Variants in CDH15 observed in about 807,000 individuals in gnomAD.
CDH15 encodes the protein cadherin 15.
A neutral mutation model predicts 69.4 loss-of-function variants in CDH15; 73 were observed. That is an observed-to-expected ratio of 1.05 (90% CI 0.87 to 1.28). CDH15 has a LOEUF of 1.28. Ranked by LOEUF, CDH15 falls within the 50% of genes most tolerant of loss-of-function variation. CDH15 has a pLI of 0.00. For missense variants in CDH15, 1,343 were observed against 1,133.6 expected, an observed-to-expected ratio of 1.18 and a Z score of -2.65; for synonymous variants, 624 against 507.7, an observed-to-expected ratio of 1.23 and a Z score of -3.08.
Position 89,193,773 on chromosome 16 carries a change from C to T in CDH15, c.2011C>T (p.Gln671Ter), listed in dbSNP as rs1915715274. The T allele has an allele frequency of 1.0e-5, 16 of 1,604,900 alleles. No individual in the cohort carries two copies. Among genetic ancestry groups the T allele is most frequent in the African/African-American group, 1.3e-5 (1 of 74,834 alleles). Reference sequence around the variant, plus strand: ...CCCACAGGACGCCTACGACATCAGCCAGCTGCGTCACCCGACAGCGCTGAG... The same window carrying T: ...CCCACAGGACGCCTACGACATCAGCTAGCTGCGTCACCCGACAGCGCTGAG... ...EEDQDAYDISQLRHPTALSLP... is the reference protein window; with the variant it reads ...EEDQDAYDIS The change falls in exon 13 of 14, where the codon CAG becomes TAG. Residue 671 changes from glutamine (Q) to a stop codon, truncating the protein, a stop_gained. Transcript: ENST00000289746. LOFTEE classifies it high-confidence loss of function.
intron 1 of CDH15, among the ~76,000 whole-genome samples, chr16:89,172,548 C>A (rs978377448): frequency 5.3e-5 from 8 of 152,152 alleles, no homozygotes; most frequent in Non-Finnish European, 1.5e-5. Context: ...GGGCCCAGCC[C>A]CCAGAGGCTG....
At chr16:89,175,613 G>C (rs780862191) in intron 1 of CDH15, among the ~76,000 whole-genome samples, 25 of 152,262 alleles carry the variant, frequency 1.6e-4, no homozygotes, top group Non-Finnish European at 2.2e-4. Flanking sequence ...GCCGGAAACA[G>C]ACCCTGTGCC....
chr16:89,176,363 G>A (rs1378990916), intron 1 of CDH15, among the ~76,000 whole-genome samples: 3 of 152,144 alleles, frequency 2.0e-5, no homozygotes, highest in South Asian at 2.1e-4. Flanking sequence ...AGTAGCTGTC[G>A]ACACCTGTGG....
intron 7 of CDH15, among the ~76,000 whole-genome samples, chr16:89,188,515 C>CTG (rs1915548883): frequency 6.8e-6 from 1 of 147,208 alleles, no homozygotes; most frequent in South Asian, 2.2e-4. Flanking sequence ...CACACAGATG[C>CTG]CCACACACAG....
At chr16:89,187,592 T>C (rs771231405) in intron 6 of CDH15, 35 bp downstream of exon 6, 1 of 1,612,102 alleles carries the variant, frequency 6.2e-7, no homozygotes, top group African/African-American at 1.3e-5. Flanking sequence ...AAGTAGCCCC[T>C]GCTTAGAGCT....
intron 1 of CDH15, among the ~76,000 whole-genome samples, chr16:89,172,844 A>G (rs1467021686): frequency 6.6e-6 from 1 of 152,150 alleles, no homozygotes; most frequent in African/African-American, 2.4e-5. Flanking sequence ...AATTCGAGAG[A>G]GAATGCACAT....
chr16:89,179,620 C>G, intron 2 of CDH15, 46 bp downstream of exon 2: 1 of 1,502,524 alleles, frequency 6.7e-7, no homozygotes, highest in Non-Finnish European at 8.9e-7. Context: ...GTAGGCTGGT[C>G]CCCAGTGGGC....
In CDH15 at chr16:89,193,759, CCTACGA is replaced by C. The variant is rs749690403; in HGVS notation, c.1999_2004del (p.Tyr667_Asp668del). The stretch of plus-strand genomic sequence containing the variant: ...GTTCCACCTCCTCGCCCACAGGACG[CCTACGA>C]CATCAGCCAGCTGCGTCACCCGACA... On this transcript the variant is annotated inframe_deletion, in exon 13 of 14. Transcript: ENST00000289746. 7.2e-5 allele frequency: 116 copies of C among 1,603,736 alleles called. No individual in the cohort carries two copies. The African/African-American group carries it at 1.5e-3, about 20-fold the overall frequency.
rs1019469171 is a variant in CDH15, at chr16:89,178,655, T to C, written c.43-761T>C. ...TGCCCAGCCCTGACGTGTTGGGACC[T>C]GACAGACCAGCAGCAGCTGCAGGCC... On this transcript the variant is annotated intron_variant, in intron 1 of 13. Coordinates refer to ENST00000289746, the MANE Select transcript of CDH15 (RefSeq NM_004933.3). Among the ~76,000 whole-genome samples the C allele has an allele frequency of 2.0e-5, 3 of 150,036 alleles. No individual in the cohort carries two copies. The South Asian group carries it at 6.3e-4, about 32-fold the overall frequency.
At chr16:89,186,728 A>C (rs55971619) in intron 5 of CDH15, among the ~76,000 whole-genome samples, 47,978 of 99,122 alleles carry the variant, frequency 0.48, 10,827 homozygotes, top group East Asian at 0.72. Context: ...GCTCTGTAAA[A>C]GCTCACCCAG....
intron 4 of CDH15, among the ~76,000 whole-genome samples, chr16:89,184,305 T>C (rs956331035): frequency 6.6e-6 from 1 of 152,118 alleles, no homozygotes; most frequent in Non-Finnish European, 1.5e-5. Flanking sequence ...GCTCCAGCTG[T>C]CCCGGGGGGA....
chr16:89,183,489 A>G, intron 3 of CDH15, 59 bp from the exon 4 acceptor site: 4 of 1,604,640 alleles, frequency 2.5e-6, no homozygotes, highest in Non-Finnish European at 3.4e-6. Context: ...GCATGGCCCT[A>G]ACGGGAGCCA....
chr16:89,194,848 G>C lies in CDH15; in HGVS notation c.2152-14G>C. The C allele has an allele frequency of 6.3e-7, 1 of 1,594,548 alleles. No homozygotes were observed. Among genetic ancestry groups the C allele is most frequent in the East Asian group, 2.2e-5 (1 of 44,636 alleles). On this transcript the variant is annotated splice_polypyrimidine_tract_variant and intron_variant, in intron 13 of 13. Transcript: ENST00000289746. ...CCCCTCCATGTGTCTTGAGCTCTCCGGGCCTCTTTATAGGGCTTGGAGGCT... is the reference window on the plus strand; with the variant it reads ...CCCCTCCATGTGTCTTGAGCTCTCCCGGCCTCTTTATAGGGCTTGGAGGCT...
Position 89,187,508 on chromosome 16 carries a change from T to C in CDH15, c.743T>C (p.Ile248Thr). The stretch of plus-strand genomic sequence containing the variant: ...CTCACAGCCACTGCCTCAGCCATCA[T>C]CACCCTTGATGACATCAATGACAAT... ...DGLTATASAI[I>T]TLDDINDNAP... is the part of the protein sequence containing the mutation. Residue 248 changes from isoleucine to threonine, a missense_variant, in exon 6 of 14, where the codon ATC becomes ACC. Coordinates refer to ENST00000289746, the MANE Select transcript of CDH15 (RefSeq NM_004933.3). 1 of 1,613,706 alleles carries C rather than the reference T, an allele frequency of 6.2e-7. No individual in the cohort carries two copies. The highest frequency in any genetic ancestry group is 8.5e-7 in the Non-Finnish European group (1 of 1,179,990).
At position 89,195,412 on chromosome 16, in the gene CDH15, C is replaced by T. The variant is rs1281556063; in HGVS notation, c.*257C>T. ...TCCCTAGTCCCACCTTTGCCTCCTA[C>T]CAGTGAACCTCATCTTTGTATGAAA... On this transcript the variant is annotated 3_prime_UTR_variant, in exon 14 of 14. Coordinates refer to ENST00000289746, the MANE Select transcript of CDH15 (RefSeq NM_004933.3). 7 of 529,338 alleles carry T rather than the reference C, an allele frequency of 1.3e-5. No homozygotes were observed. The South Asian group carries it at 1.8e-4, about 13-fold the overall frequency. The allele number at this position is 529,338 out of a possible 1,614,324, so 32.8% of individuals were successfully genotyped here. A position where few individuals can be genotyped will look rare whatever the true frequency, so the allele number is the denominator to read the frequency against.
chr16:89,191,518 C>T (rs778356104), intron 9 of CDH15, 46 bp downstream of exon 9: 23 of 1,605,746 alleles, frequency 1.4e-5, no homozygotes, highest in South Asian at 6.6e-5. Context: ...GGCCTTGTCC[C>T]GGCTGAGCAC....
At chr16:89,184,502 G>A (rs186548231) in intron 4 of CDH15, among the ~76,000 whole-genome samples, 104 of 152,300 alleles carry the variant, frequency 6.8e-4, no homozygotes, top group Middle Eastern at 3.4e-3. Context: ...CGTGAGTACC[G>A]CTTCCCACAG....
At chr16:89,180,984 T>TTTTTTTTTTTTTTTTTTG in intron 3 of CDH15, among the ~76,000 whole-genome samples, 1 of 148,846 alleles carries the variant, frequency 6.7e-6, no homozygotes, top group Non-Finnish European at 1.5e-5. Context: ...CTTTTTTTTT[T>TTTTTTTTTTTTTTTTTTG]TTTGAGATGG....
chr16:89,181,632 C>G (rs1340619078), intron 3 of CDH15, among the ~76,000 whole-genome samples: 1 of 150,538 alleles, frequency 6.6e-6, no homozygotes, highest in Non-Finnish European at 1.5e-5. Flanking sequence ...GGAAGACCCT[C>G]TCTCAAAAAA....
Sources: allele counts gnomAD v4.1 joint callset (sites outside exome capture counted in the v4.1 genomes callset), GRCh38; gene constraint gnomAD v4.1.1; transcripts MANE v1.5; gene names NCBI Gene and HGNC (gene_info 2026-07-23, HGNC 2026-07-21).